TNFSF8: variants seen among roughly 807,000 people sequenced by gnomAD.
The protein encoded by TNFSF8 is tumor necrosis factor ligand superfamily member 8.
TNFSF8 carries 4 observed loss-of-function variants against 22.0 expected under a neutral mutation model. The ratio of observed to expected loss-of-function variants is 0.18; its 90% confidence interval spans 0.09 to 0.42. The LOEUF is 0.42. Among genes scored for constraint, TNFSF8 ranks in the 10% least tolerant of loss-of-function variants. TNFSF8 has a pLI of 1.00. For synonymous variants in TNFSF8, 106 were observed against 112.5 expected, an observed-to-expected ratio of 0.94 and a Z score of 0.37; for missense variants, 233 against 281.8, an observed-to-expected ratio of 0.83 and a Z score of 1.24.
At chr9:114,905,955 A>T in intron 2 of TNFSF8, 56 bp from the exon 3 acceptor site, 1 of 1,168,022 alleles carries the variant, frequency 8.6e-7, no homozygotes, top group Non-Finnish European at 1.3e-6. Context: ...GGATCTGGAA[A>T]TACCTGATCT....
downstream of TNFSF8, among the ~76,000 whole-genome samples, chr9:114,896,412 G>A (rs2131337684): frequency 6.6e-6 from 1 of 152,264 alleles, no homozygotes; most frequent in East Asian, 1.9e-4. Flanking sequence ...TCTAGGAAGT[G>A]GCCTGGGATT....
Position 114,903,997 on chromosome 9 carries a change from G to A in TNFSF8, c.639C>T (p.Tyr213=), listed in dbSNP as rs372009878. ...CAAGAGGAAAGGTGCTTGTATCTAT[G>A]TACTGGAATGTATCCACATTGACTG... ...TISVNVDTFQ[Y]IDTSTFPLEN... Residue 213 remains tyrosine (Y), a synonymous_variant, in exon 4 of 4, where the codon TAC becomes TAT. Coordinates refer to ENST00000223795, the MANE Select transcript of TNFSF8 (RefSeq NM_001244.4). 22 of 1,613,970 alleles carry A rather than the reference G, an allele frequency of 1.4e-5. No individual in the cohort carries two copies. Among genetic ancestry groups the A allele is most frequent in the South Asian group, 2.2e-5 (2 of 91,082 alleles).
intron 1 of TNFSF8, among the ~76,000 whole-genome samples, chr9:114,923,484 T>G (rs1255626575): frequency 3.0e-5 from 2 of 67,794 alleles, no homozygotes; most frequent in Non-Finnish European, 4.9e-5. Context: ...TTCTTTTTCT[T>G]TCTTTCTTTC....
Position 114,904,021 on chromosome 9 carries a change from T to A in TNFSF8, c.615A>T (p.Ser205=), listed in dbSNP as rs1367849309. 1 of 1,614,022 alleles carries A rather than the reference T, an allele frequency of 6.2e-7. No homozygotes were observed. The highest frequency in any genetic ancestry group is 2.2e-5 in the East Asian group (1 of 44,894). The change falls in exon 4 of 4, where the codon TCA becomes TCT. Residue 205 remains serine (S), a synonymous_variant. Transcript: ENST00000223795. Reference sequence around the variant, plus strand: ...TGTACTGGAATGTATCCACATTGACTGATATGGTGGTGTTGACCTGCAGGT... The same window carrying A: ...TGTACTGGAATGTATCCACATTGACAGATATGGTGGTGTTGACCTGCAGGT... ...LDYLQVNTTI[S]VNVDTFQYID...
intron 1 of TNFSF8, among the ~76,000 whole-genome samples, chr9:114,927,709 T>C (rs1341936824): frequency 6.6e-6 from 1 of 152,240 alleles, no homozygotes; most frequent in Non-Finnish European, 1.5e-5. Context: ...TGTGACTTCT[T>C]GTGCCAGTAA....
intron 1 of TNFSF8, among the ~76,000 whole-genome samples, chr9:114,918,822 A>G (rs1827951214): frequency 6.6e-6 from 1 of 152,122 alleles, no homozygotes; most frequent in Non-Finnish European, 1.5e-5. Context: ...GTTGGTCTCG[A>G]ACTCCTGACC....
chr9:114,921,945 G>A (rs1048044597), intron 1 of TNFSF8, among the ~76,000 whole-genome samples: 1 of 152,176 alleles, frequency 6.6e-6, no homozygotes, highest in Non-Finnish European at 1.5e-5. Flanking sequence ...TGTATGGAGG[G>A]AGGAATGGTC....
downstream of TNFSF8, among the ~76,000 whole-genome samples, chr9:114,898,899 G>A (rs1239793686): frequency 6.6e-6 from 1 of 152,092 alleles, no homozygotes; most frequent in Non-Finnish European, 1.5e-5. Flanking sequence ...TTGCAATCAG[G>A]AAGCCTGCCC....
intron 1 of TNFSF8, among the ~76,000 whole-genome samples, chr9:114,926,485 C>A (rs770301612): frequency 5.9e-5 from 9 of 152,134 alleles, no homozygotes; most frequent in Non-Finnish European, 1.3e-4. Context: ...ATTTATTCCC[C>A]AGATATACTT....
intron 2 of TNFSF8, among the ~76,000 whole-genome samples, chr9:114,910,740 G>A (rs777849745): frequency 1.3e-5 from 2 of 152,150 alleles, no homozygotes; most frequent in South Asian, 2.1e-4. Context: ...TGCTCAAGGC[G>A]GCTCTACCAT....
Position 114,903,899 on chromosome 9 carries a change from G to C in TNFSF8, c.*32C>G, listed in dbSNP as rs201106057. On this transcript the variant is annotated 3_prime_UTR_variant, in exon 4 of 4. Coordinates refer to ENST00000223795, the MANE Select transcript of TNFSF8 (RefSeq NM_001244.4). The stretch of plus-strand genomic sequence containing the variant: ...GGATGAAATACTGTATGGTAGAGAG[G>C]CGCTTTCTTCCTGAAGGCCAAGAGA... The C allele has an allele frequency of 6.3e-7, 1 of 1,576,110 alleles. No homozygotes were observed. Among genetic ancestry groups the C allele is most frequent in the South Asian group, 1.2e-5 (1 of 83,370 alleles).
At chr9:114,900,166 G>A (rs1294611139), downstream of TNFSF8, among the ~76,000 whole-genome samples, 3 of 152,200 alleles carry the variant, frequency 2.0e-5, no homozygotes, top group Non-Finnish European at 4.4e-5. Flanking sequence ...AGTGCCCTAA[G>A]AGGTTTTGAT....
intron 1 of TNFSF8, among the ~76,000 whole-genome samples, chr9:114,925,120 C>T (rs771437935): frequency 1.3e-5 from 2 of 152,094 alleles, no homozygotes; most frequent in African/African-American, 4.8e-5. Flanking sequence ...TTATTGGGGG[C>T]TTACATACAG....
At chr9:114,919,656 C>T (rs747946691) in intron 1 of TNFSF8, among the ~76,000 whole-genome samples, 9 of 152,094 alleles carry the variant, frequency 5.9e-5, no homozygotes, top group Non-Finnish European at 8.8e-5. Context: ...GAGGTGTGAG[C>T]GTGTGTATGC....
Position 114,903,924 on chromosome 9 carries a change from A to T in TNFSF8, c.*7T>A, listed in dbSNP as rs1302241663. 6.3e-7 allele frequency: 1 copy of T among 1,599,756 alleles called. No homozygotes were observed. The highest frequency in any genetic ancestry group is 1.7e-5 in the Admixed American group (1 of 58,544). On this transcript the variant is annotated 3_prime_UTR_variant, in exon 4 of 4. Coordinates refer to ENST00000223795, the MANE Select transcript of TNFSF8 (RefSeq NM_001244.4). ...GCGCTTTCTTCCTGAAGGCCAAGAG[A>T]AACTGTTCAGTCTGAATTACTGTAT...
rs113255292 is a variant in TNFSF8, at chr9:114,901,852, T to G, written c.*2079A>C. On this transcript the variant is annotated 3_prime_UTR_variant, in exon 4 of 4. Coordinates refer to ENST00000223795, the MANE Select transcript of TNFSF8 (RefSeq NM_001244.4). ...ACAGCACACTGCTCAGCAGATGACT[T>G]AAAATTTTCCCTTAGCCATTTTTGT... The G allele has an allele frequency of 4.2e-6, 4 of 948,758 alleles. No homozygotes were observed. In the African/African-American group the frequency reaches 7.1e-5, roughly 17 times the overall value. 58.8% of individuals were successfully genotyped at this position (948,758 alleles called of 1,614,324 possible).
downstream of TNFSF8, among the ~76,000 whole-genome samples, chr9:114,896,878 C>G (rs1050688398): frequency 1.3e-5 from 2 of 152,052 alleles, no homozygotes; most frequent in Non-Finnish European, 2.9e-5. Flanking sequence ...GCATTCTTAT[C>G]TCCTGAGCCC....
At position 114,902,155 on chromosome 9, in the gene TNFSF8, T is replaced by G; in HGVS notation, c.*1776A>C. Reference sequence around the variant, plus strand: ...TGTTCCTCCAAAGATGATGTACAGATGCCAAGTTGGATATAGCTAGAGAAA... The same window carrying G: ...TGTTCCTCCAAAGATGATGTACAGAGGCCAAGTTGGATATAGCTAGAGAAA... On this transcript the variant is annotated 3_prime_UTR_variant, in exon 4 of 4. Coordinates refer to ENST00000223795, the MANE Select transcript of TNFSF8 (RefSeq NM_001244.4). 1 of 985,388 alleles carries G rather than the reference T, an allele frequency of 1.0e-6. No homozygotes were observed. 61.0% of individuals were successfully genotyped at this position (985,388 alleles called of 1,614,324 possible).
At chr9:114,908,020 A>C (rs985067399) in intron 2 of TNFSF8, among the ~76,000 whole-genome samples, 1 of 152,072 alleles carries the variant, frequency 6.6e-6, no homozygotes, top group African/African-American at 2.4e-5. Flanking sequence ...AGGAATGTTG[A>C]TTTATCATTA....
Sources: gnomAD v4.1 joint callset for allele counts (sites outside exome capture counted in the v4.1 genomes callset) on GRCh38, gnomAD v4.1.1 for gene constraint, MANE v1.5 for transcripts, NCBI Gene and HGNC (gene_info 2026-07-23, HGNC 2026-07-21) for gene names.